The following RMST variants were observed in gnomAD, a reference collection of about 807,000 sequenced individuals.
RMST encodes the protein long intergenic non-protein coding RNA 54.
At chr12:97,476,765 A>T (rs935626631) in intron 5 of RMST, among the ~76,000 whole-genome samples, 1 of 152,188 alleles carries the variant, frequency 6.6e-6, no homozygotes, top group African/African-American at 2.4e-5. Context: ...ATAGCTATAT[A>T]ATACCTGCAC....
Position 97,482,836 on chromosome 12 carries a change from A to C in RMST, n.645-9625A>C, listed in dbSNP as rs1474473889. Among the ~76,000 whole-genome samples the C allele has an allele frequency of 2.7e-5, 4 of 146,304 alleles. No homozygotes were observed. The Admixed American group carries it at 2.8e-4, about 10-fold the overall frequency. ...ATTTATATTATTTATTTATTAAATA[A>C]ATTTATTTATTTATTTGTTTATGGG... On this transcript the variant is annotated intron_variant and non_coding_transcript_variant, in intron 5 of 13. Transcript: ENST00000640149.
chr12:97,564,877 A>G (rs1884412415), exon 14 of RMST: 2 of 152,150 alleles, frequency 1.3e-5, no homozygotes, highest in African/African-American at 2.4e-5. Flanking sequence ...TTTTTTATTG[A>G]ACTGTTTAAT....
intron 8 of RMST, chr12:97,494,090 A>G (rs756872440): frequency 1.7e-4 from 26 of 152,184 alleles, no homozygotes; most frequent in Non-Finnish European, 2.6e-4. Context: ...TGGAGCTCAT[A>G]CAGAAATTGT....
intron 10 of RMST, among the ~76,000 whole-genome samples, chr12:97,498,813 C>G (rs766132309): frequency 6.6e-6 from 1 of 152,174 alleles, no homozygotes; most frequent in South Asian, 2.1e-4. Flanking sequence ...TTCATCCACA[C>G]GAAGATCTAG....
chr12:97,468,954 G>T (rs1022451916), intron 5 of RMST, among the ~76,000 whole-genome samples: 1 of 151,714 alleles, frequency 6.6e-6, no homozygotes, highest in Non-Finnish European at 1.5e-5. Flanking sequence ...ATATTTTCCT[G>T]ATTTTGTAGA....
At chr12:97,505,479 A>G (rs182258369) in intron 10 of RMST, among the ~76,000 whole-genome samples, 2 of 152,372 alleles carry the variant, frequency 1.3e-5, no homozygotes, top group East Asian at 3.9e-4. Context: ...ACTCAGTAAC[A>G]TTTGTGTTCT....
intron 11 of RMST, among the ~76,000 whole-genome samples, chr12:97,557,505 C>A (rs919918871): frequency 6.6e-6 from 1 of 152,146 alleles, no homozygotes; most frequent in African/African-American, 2.4e-5. Context: ...ACCTATGAAA[C>A]CCTTTCAGAA....
chr12:97,499,220 A>G (rs1877793416), intron 10 of RMST, among the ~76,000 whole-genome samples: 1 of 151,848 alleles, frequency 6.6e-6, no homozygotes, highest in Non-Finnish European at 1.5e-5. Context: ...TTTTCCTAAT[A>G]TTCTTTATTT....
intron 10 of RMST, among the ~76,000 whole-genome samples, chr12:97,500,550 A>G (rs1039637154): frequency 6.6e-5 from 10 of 152,226 alleles, no homozygotes; most frequent in African/African-American, 2.4e-4. Flanking sequence ...TTTGATCCTT[A>G]AACCACTCTG....
intron 5 of RMST, among the ~76,000 whole-genome samples, chr12:97,486,310 C>A (rs913355108): frequency 1.3e-5 from 2 of 150,290 alleles, no homozygotes; most frequent in Non-Finnish European, 3.0e-5. Flanking sequence ...AATCAGAAAT[C>A]TGTTTTTAAA....
chr12:97,562,025 G>T (rs1004137174), intron 13 of RMST, among the ~76,000 whole-genome samples: 1 of 152,018 alleles, frequency 6.6e-6, no homozygotes, highest in Non-Finnish European at 1.5e-5. Context: ...GGCTGAGTGC[G>T]CCACAGAGGA....
chr12:97,482,728 A>AATAC (rs1875534979), intron 5 of RMST, among the ~76,000 whole-genome samples: 1 of 61,578 alleles, frequency 1.6e-5, no homozygotes, highest in African/African-American at 6.6e-5. Flanking sequence ...TTATTTATTA[A>AATAC]ATAAATTTAT....
At chr12:97,564,597 G>A (rs746453136) in exon 14 of RMST, 3 of 152,210 alleles carry the variant, frequency 2.0e-5, no homozygotes, top group Non-Finnish European at 4.4e-5. Flanking sequence ...ATTAAATGAA[G>A]TAATGCATAC....
intron 9 of RMST, among the ~76,000 whole-genome samples, chr12:97,495,510 C>G (rs1411178927): frequency 6.6e-6 from 1 of 152,036 alleles, no homozygotes; most frequent in Non-Finnish European, 1.5e-5. Flanking sequence ...ATACTGTAAT[C>G]CATCAGAATG....
At chr12:97,553,004 A>C (rs192843436) in intron 11 of RMST, among the ~76,000 whole-genome samples, 1 of 152,284 alleles carries the variant, frequency 6.6e-6, no homozygotes, top group Admixed American at 6.5e-5. Context: ...CCAGCATTTC[A>C]ACACTTATGG....
At chr12:97,517,455 A>G (rs1252902875) in intron 10 of RMST, among the ~76,000 whole-genome samples, 4 of 151,918 alleles carry the variant, frequency 2.6e-5, no homozygotes, top group Non-Finnish European at 5.9e-5. Flanking sequence ...TTCTTTTTCC[A>G]TTCTCCAGAT....
At chr12:97,492,897 CAGAT>C (rs1877010378) in intron 6 of RMST, 1 of 152,106 alleles carries the variant, frequency 6.6e-6, no homozygotes, top group South Asian at 2.1e-4. Flanking sequence ...AAATTGAACT[CAGAT>C]AGGCTTTACC....
chr12:97,501,133 T>C (rs1214186768), intron 10 of RMST, among the ~76,000 whole-genome samples: 1 of 152,214 alleles, frequency 6.6e-6, no homozygotes, highest in Non-Finnish European at 1.5e-5. Flanking sequence ...GAATATGACC[T>C]AGCTGAAGAT....
At chr12:97,508,481 G>C in intron 10 of RMST, among the ~76,000 whole-genome samples, 1 of 152,292 alleles carries the variant, frequency 6.6e-6, no homozygotes, top group African/African-American at 2.4e-5. Context: ...AGGAAGAAAG[G>C]TGGTCAGCTG....
Sources: allele counts gnomAD v4.1 joint callset (sites outside exome capture counted in the v4.1 genomes callset), GRCh38; gene constraint gnomAD v4.1.1; transcripts MANE v1.5; gene names NCBI Gene and HGNC (gene_info 2026-07-23, HGNC 2026-07-21).